CDH13: variants seen among roughly 807,000 people sequenced by gnomAD.
CDH13 encodes the protein cadherin 13, also known as cadherin-13.
Under a neutral mutation model 63.8 loss-of-function variants are expected in CDH13, and 24 were observed. The ratio of observed to expected loss-of-function variants is 0.38; its 90% confidence interval spans 0.27 to 0.53. The LOEUF is 0.53. Ranked by LOEUF, CDH13 falls within the 20% of genes least tolerant of loss-of-function variation. The pLI is 0.85. For missense variants in CDH13, 1,049 were observed against 903.1 expected (o/e 1.16, Z -2.07); for synonymous variants, 503 against 355.3 (o/e 1.42, Z -4.67).
intron 6 of CDH13, chr16:83,397,961 A>T (rs72804363): frequency 4.3e-4 from 66 of 152,382 alleles, no homozygotes; most frequent in African/African-American, 1.4e-3. Flanking sequence ...CAGATGTTCA[A>T]TGCCTGCACT....
In CDH13 at chr16:83,435,793, CCTT is replaced by C. The variant is rs555141132; in HGVS notation, c.782-50681_782-50679del. Among the ~76,000 whole-genome samples the C allele has an allele frequency of 2.4e-3, 372 of 152,272 alleles. 4 individuals are homozygous for C. The highest frequency in any genetic ancestry group is 0.024 in the Admixed American group (360 of 15,304). ...CTCTCTCCGTGTTCACTAGAGTTGTCCTTCTGCATTTCCTGCTGTCTCTGGTTG... is the reference window on the plus strand; with the variant it reads ...CTCTCTCCGTGTTCACTAGAGTTGTCCTGCATTTCCTGCTGTCTCTGGTTG... On this transcript the variant is annotated intron_variant, in intron 6 of 13. Transcript: ENST00000567109.
At chr16:82,892,096 A>T (rs953509665) in intron 2 of CDH13, among the ~76,000 whole-genome samples, 4 of 152,042 alleles carry the variant, frequency 2.6e-5, no homozygotes, top group African/African-American at 9.7e-5. Flanking sequence ...ACCTCAGCTC[A>T]TCCCTTTATG....
At chr16:83,442,743 G>C (rs1598030515) in intron 6 of CDH13, among the ~76,000 whole-genome samples, 1 of 152,212 alleles carries the variant, frequency 6.6e-6, no homozygotes, top group Non-Finnish European at 1.5e-5. Context: ...ATATCAGAAT[G>C]TTACCTTAAT....
chr16:82,768,303 A>T (rs1452694400), intron 1 of CDH13, among the ~76,000 whole-genome samples: 2 of 152,174 alleles, frequency 1.3e-5, no homozygotes, highest in Non-Finnish European at 2.9e-5. Context: ...GTTGATAATG[A>T]TGCCTCTCAC....
intron 4 of CDH13, among the ~76,000 whole-genome samples, chr16:83,178,487 A>T (rs1004721315): frequency 6.6e-6 from 1 of 152,214 alleles, no homozygotes; most frequent in Admixed American, 6.5e-5. Flanking sequence ...TTATAGAATT[A>T]TAAGAATATT....
intron 6 of CDH13, among the ~76,000 whole-genome samples, chr16:83,422,680 T>A (rs2071752975): frequency 6.6e-6 from 1 of 152,188 alleles, no homozygotes; most frequent in African/African-American, 2.4e-5. Flanking sequence ...TTAGAGGACG[T>A]TTGACTTCTC....
chr16:83,764,889 C>G (rs550091319), intron 11 of CDH13, among the ~76,000 whole-genome samples: 1 of 152,340 alleles, frequency 6.6e-6, no homozygotes, highest in South Asian at 2.1e-4. Flanking sequence ...CGTCTGCATC[C>G]TCTGCTTTGT....
intron 7 of CDH13, among the ~76,000 whole-genome samples, chr16:83,518,778 T>C (rs1456965994): frequency 6.6e-6 from 1 of 152,122 alleles, no homozygotes; most frequent in Non-Finnish European, 1.5e-5. Flanking sequence ...GCCGATGTGA[T>C]GGTTTTATAA....
At chr16:82,883,995 T>C (rs1448882341) in intron 2 of CDH13, among the ~76,000 whole-genome samples, 1 of 152,130 alleles carries the variant, frequency 6.6e-6, no homozygotes, top group African/African-American at 2.4e-5. Context: ...GGCTTGATTA[T>C]CATACCCCCA....
intron 1 of CDH13, among the ~76,000 whole-genome samples, chr16:82,642,982 G>A (rs1256492257): frequency 6.6e-6 from 1 of 152,118 alleles, no homozygotes; most frequent in Non-Finnish European, 1.5e-5. Flanking sequence ...TCTATGAAAT[G>A]GAACAAACTG....
At chr16:82,858,176 C>T (rs536218295) in intron 1 of CDH13, among the ~76,000 whole-genome samples, 186 bp from the exon 2 acceptor site, 6 of 152,188 alleles carry the variant, frequency 3.9e-5, no homozygotes, top group Admixed American at 6.5e-5. Context: ...GTTCCATTTG[C>T]GTATTCTCCA....
At chr16:83,004,231 GA>G (rs537480234) in intron 2 of CDH13, among the ~76,000 whole-genome samples, 1 of 152,142 alleles carries the variant, frequency 6.6e-6, no homozygotes, top group Non-Finnish European at 1.5e-5. Context: ...AGGAGTCAGG[GA>G]TAAAGATAGG....
chr16:83,023,434 C>G (rs1915528588), intron 2 of CDH13, among the ~76,000 whole-genome samples: 3 of 152,090 alleles, frequency 2.0e-5, no homozygotes. Flanking sequence ...GAAGTTATTT[C>G]AAATCCGTGA....
At chr16:83,531,488 C>T (rs771693903) in intron 7 of CDH13, among the ~76,000 whole-genome samples, 9 of 152,274 alleles carry the variant, frequency 5.9e-5, no homozygotes, top group Admixed American at 2.6e-4. Flanking sequence ...GCTTATAAAG[C>T]GGAGTTTCCC....
chr16:83,667,258 C>A (rs1421248153), intron 8 of CDH13, among the ~76,000 whole-genome samples: 1 of 152,112 alleles, frequency 6.6e-6, no homozygotes, highest in Admixed American at 6.5e-5. Flanking sequence ...ATTCATTTGC[C>A]CACACACTAA....
chr16:83,519,641 C>G (rs1242558274), intron 7 of CDH13, among the ~76,000 whole-genome samples: 2 of 152,078 alleles, frequency 1.3e-5, no homozygotes, highest in African/African-American at 4.8e-5. Flanking sequence ...TCTAAAATGT[C>G]CAAAATTAGC....
At chr16:83,376,562 G>A (rs1041552185) in intron 6 of CDH13, among the ~76,000 whole-genome samples, 3 of 152,120 alleles carry the variant, frequency 2.0e-5, no homozygotes, top group African/African-American at 7.2e-5. Context: ...AATTATTCTG[G>A]CTTTGGAGAA....
Position 83,786,750 on chromosome 16 carries a change from G to A in CDH13, c.2134+3278G>A, listed in dbSNP as rs151031113. 7.4e-3 allele frequency among the ~76,000 whole-genome samples: 1,128 copies of A among 152,072 alleles called. 11 individuals carry two copies. The highest frequency in any genetic ancestry group is 0.026 in the African/African-American group (1,087 of 41,484). ...TTACAGGCATGCACCACCATGCCCG[G>A]CTAATTTTTGTATTTTTAGTAGAGA... On this transcript the variant is annotated intron_variant, in intron 13 of 13. Coordinates refer to ENST00000567109, the MANE Select transcript of CDH13 (RefSeq NM_001257.5).
chr16:82,863,917 A>AT (rs2151176370), intron 2 of CDH13, among the ~76,000 whole-genome samples: 1 of 152,316 alleles, frequency 6.6e-6, no homozygotes, highest in East Asian at 1.9e-4. Flanking sequence ...CTTGGTATGA[A>AT]TTTTTTAAAA....
Sources: allele counts gnomAD v4.1 joint callset (sites outside exome capture counted in the v4.1 genomes callset), GRCh38; gene constraint gnomAD v4.1.1; transcripts MANE v1.5; gene names NCBI Gene and HGNC (gene_info 2026-07-23, HGNC 2026-07-21).